FBXO46: variants seen among roughly 807,000 people sequenced by gnomAD.
The protein encoded by FBXO46 is F-box only protein 46.
A neutral mutation model predicts 30.7 loss-of-function variants in FBXO46; 13 were observed. The ratio of observed to expected loss-of-function variants is 0.42; its 90% CI spans 0.28 to 0.67. FBXO46 has a LOEUF of 0.67. FBXO46 is among the 30% of genes least tolerant of loss of function. FBXO46 has a pLI of 0.21. For missense variants in FBXO46, 754 were observed against 871.5 expected (o/e 0.87, Z 1.70); for synonymous variants, 467 against 385.8 (o/e 1.21, Z -2.47).
In FBXO46 at chr19:45,711,969, C is replaced by T. The variant is rs1212583242; in HGVS notation, c.1527G>A (p.Ala509=). The part of the protein sequence containing the change: ...TCHHFKGIIE[A]FGVRATDSRW... Reference sequence around the variant, plus strand: ...GCGAGTCTGTGGCCCGCACGCCAAACGCCTCGATGATGCCCTTGAAGTGGT... The same window carrying T: ...GCGAGTCTGTGGCCCGCACGCCAAATGCCTCGATGATGCCCTTGAAGTGGT... The change falls in exon 2 of 2, where the codon GCG becomes GCA. Residue 509 remains alanine (A), a synonymous_variant. Coordinates refer to ENST00000317683, the MANE Select transcript of FBXO46 (RefSeq NM_001080469.2). 19 of 1,612,830 alleles carry T rather than the reference C, an allele frequency of 1.2e-5. No individual in the cohort carries two copies. Among genetic ancestry groups the T allele is most frequent in the Non-Finnish European group, 1.6e-5 (19 of 1,179,764 alleles).
intron 1 of FBXO46, among the ~76,000 whole-genome samples, chr19:45,727,556 CAAA>C (rs146129707): frequency 4.9e-5 from 5 of 102,226 alleles, no homozygotes; most frequent in Admixed American, 1.0e-4. Context: ...GACTCTGTCT[CAAA>C]AAAAAAAAAA....
chr19:45,726,418 C>T (rs1362409427), intron 1 of FBXO46, among the ~76,000 whole-genome samples: 3 of 151,952 alleles, frequency 2.0e-5, no homozygotes, highest in South Asian at 4.2e-4. Flanking sequence ...AAGGTTGAGG[C>T]GGGTGGATCA....
intron 1 of FBXO46, chr19:45,714,978 G>A (rs1046279030): frequency 1.3e-5 from 2 of 152,224 alleles, no homozygotes; most frequent in African/African-American, 4.8e-5. Flanking sequence ...CAGATAAACA[G>A]AGGCTCAGAG....
intron 1 of FBXO46, among the ~76,000 whole-genome samples, chr19:45,726,356 C>CAA: frequency 6.6e-6 from 1 of 151,268 alleles, no homozygotes; most frequent in East Asian, 1.9e-4. Flanking sequence ...ACAACAACAA[C>CAA]AAAAAAAATG....
chr19:45,724,031 G>C (rs1476340790), intron 1 of FBXO46, among the ~76,000 whole-genome samples: 1 of 152,096 alleles, frequency 6.6e-6, no homozygotes, highest in Non-Finnish European at 1.5e-5. Context: ...CACAGGTTTT[G>C]AAATAAAGAT....
chr19:45,711,942 G>A lies in FBXO46; in HGVS notation c.1554C>T (p.Arg518=). 6.2e-7 allele frequency: 1 copy of A among 1,613,262 alleles called. No individual in the cohort carries two copies. The highest frequency in any genetic ancestry group is 8.5e-7 in the Non-Finnish European group (1 of 1,179,792). Residue 518 remains arginine, a synonymous_variant, in exon 2 of 2, where the codon CGC becomes CGT. Coordinates refer to ENST00000317683, the MANE Select transcript of FBXO46 (RefSeq NM_001080469.2). ...CGCGGTAGAGCGGGTCTCGGCTCCA[G>A]CGCGAGTCTGTGGCCCGCACGCCAA... The part of the protein sequence containing the change: ...EAFGVRATDS[R]WSRDPLYRDD...
At position 45,711,639 on chromosome 19, in the gene FBXO46, G is replaced by A. The variant is rs761043222; in HGVS notation, c.*45C>T. 152 of 1,428,770 alleles carry A rather than the reference G, an allele frequency of 1.1e-4. No homozygotes were observed. Among genetic ancestry groups the A allele is most frequent in the Middle Eastern group, 5.2e-4 (3 of 5,752 alleles). The allele number at this position is 1,428,770 out of a possible 1,614,324, so 88.5% of individuals were successfully genotyped here. ...CGGACCCTCGGCTCCCGGGGGGAGA[G>A]GGGAGGGGTGGGCGTGGTGGGCTCT... On this transcript the variant is annotated 3_prime_UTR_variant, in exon 2 of 2. Transcript: ENST00000317683.
At position 45,713,499 on chromosome 19, in the gene FBXO46, G is replaced by C. The variant is rs965176155; in HGVS notation, c.-4C>G. ...GCAGGAGGCTCCCACGGTCCATGCT[G>C]GGGGATGATGGCAGACAGGCTGGGC... On this transcript the variant is annotated 5_prime_UTR_variant, in exon 2 of 2. Transcript: ENST00000317683. The surrounding 1 kb of genome is among the most constrained non-coding windows in gnomAD (Gnocchi z 4.7). 2 of 1,543,624 alleles carry C rather than the reference G, an allele frequency of 1.3e-6. No individual in the cohort carries two copies. The highest frequency in any genetic ancestry group is 1.8e-6 in the Non-Finnish European group (2 of 1,141,428).
chr19:45,728,018 C>T (rs1968262157), intron 1 of FBXO46, among the ~76,000 whole-genome samples: 1 of 152,156 alleles, frequency 6.6e-6, no homozygotes, highest in East Asian at 1.9e-4. Context: ...CTCACTGCAA[C>T]CTCCACCTCC....
chr19:45,722,421 A>C (rs1287414689), intron 1 of FBXO46, among the ~76,000 whole-genome samples: 1 of 151,692 alleles, frequency 6.6e-6, no homozygotes, highest in Non-Finnish European at 1.5e-5. Context: ...GACAGCATCC[A>C]CCCATGGGCT....
rs1331954250 is a variant in FBXO46 at position 45,711,478 on chromosome 19, G to A, written c.*206C>T. On this transcript the variant is annotated 3_prime_UTR_variant, in exon 2 of 2. Transcript: ENST00000317683. ...AAAACACCCTTCTCAGAGGGTCCAC[G>A]GCCCTGGTTCTGAAGAGTAGAAAAT... 4.0e-5 allele frequency: 28 copies of A among 698,732 alleles called. 1 individual carries two copies. Among genetic ancestry groups the A allele is most frequent in the South Asian group, 3.4e-4 (23 of 66,720 alleles). 43.3% of individuals were successfully genotyped at this position (698,732 alleles called of 1,614,324 possible). A position where few individuals can be genotyped will look rare whatever the true frequency, so the allele number is the denominator to read the frequency against.
At chr19:45,717,790 G>A (rs1968118693) in intron 1 of FBXO46, among the ~76,000 whole-genome samples, 1 of 129,088 alleles carries the variant, frequency 7.7e-6, no homozygotes, top group Non-Finnish European at 1.6e-5. Context: ...GGGGCGGGGG[G>A]CGGGCTGAGG....
At chr19:45,720,831 G>T (rs76353548) in intron 1 of FBXO46, among the ~76,000 whole-genome samples, 4,678 of 151,970 alleles carry the variant, frequency 0.031, 211 homozygotes, top group African/African-American at 0.095. Context: ...ATCCTGGCTG[G>T]GCGCAGTGGC....
intron 1 of FBXO46, among the ~76,000 whole-genome samples, chr19:45,724,524 T>C (rs941511433): frequency 1.3e-5 from 2 of 152,106 alleles, no homozygotes; most frequent in Non-Finnish European, 2.9e-5. Context: ...TTAACACTTG[T>C]GGGCTGGGCT....
Position 45,713,006 on chromosome 19 carries a change from C to G in FBXO46, c.490G>C (p.Gly164Arg). 6.4e-7 allele frequency: 1 copy of G among 1,557,318 alleles called. No individual in the cohort carries two copies. Residue 164 changes from glycine (G) to arginine (R), a missense_variant, in exon 2 of 2, where the codon GGT becomes CGT. By Grantham distance (125) the Gly-to-Arg change is moderately radical. Coordinates refer to ENST00000317683, the MANE Select transcript of FBXO46 (RefSeq NM_001080469.2). The surrounding 1 kb of genome is among the most constrained non-coding windows in gnomAD (Gnocchi z 4.7). ...ACAGAGAGCAGGTCCACGTCCTCACCGGCTGAGGCGGGGCCCTCCTCAGCA... is the reference window on the plus strand; with the variant it reads ...ACAGAGAGCAGGTCCACGTCCTCACGGGCTGAGGCGGGGCCCTCCTCAGCA... ...PAAEEGPASAGEDVDLLSVAE... is the reference protein window; with the variant it reads ...PAAEEGPASAREDVDLLSVAE...
upstream of FBXO46, among the ~76,000 whole-genome samples, chr19:45,732,219 A>C (rs541340154): frequency 6.6e-6 from 1 of 152,112 alleles, no homozygotes; most frequent in Non-Finnish European, 1.5e-5. Flanking sequence ...GTGTTCAGTA[A>C]ATATTTATTG....
Position 45,713,070 on chromosome 19 carries a change from C to T in FBXO46, c.426G>A (p.Lys142=). ...KRRRRCLDPT[K]APPDPGGREG... ...CCCGGCCCCCTGGGTCAGGAGGAGC[C>T]TTGGTGGGGTCAAGACAGCGCCTCC... The change falls in exon 2 of 2, where the codon AAG becomes AAA. Residue 142 remains lysine, a synonymous_variant. Coordinates refer to ENST00000317683, the MANE Select transcript of FBXO46 (RefSeq NM_001080469.2). The surrounding 1 kb of genome is among the most constrained non-coding windows in gnomAD (Gnocchi z 4.7). 6.3e-7 allele frequency: 1 copy of T among 1,583,916 alleles called. No individual in the cohort carries two copies. The highest frequency in any genetic ancestry group is 8.6e-7 in the Non-Finnish European group (1 of 1,166,738).
Position 45,712,868 on chromosome 19 carries a change from C to T in FBXO46, c.628G>A (p.Ala210Thr). The T allele has an allele frequency of 2.5e-6, 4 of 1,613,498 alleles. No individual in the cohort carries two copies. Among genetic ancestry groups the T allele is most frequent in the Non-Finnish European group, 3.4e-6 (4 of 1,179,732 alleles). ...VFVSAEQGGP[A>T]KGVGSERRSG... ...CGCCGTTCAGATCCCACCCCCTTGG[C>T]CGGTCCACCTTGCTCGGCGGACACA... The change falls in exon 2 of 2, where the codon GCC (alanine) becomes ACC (threonine). Residue 210 changes from alanine (A) to threonine (T), a missense_variant. Transcript: ENST00000317683. The surrounding 1 kb of genome is among the most constrained non-coding windows in gnomAD (Gnocchi z 8.8).
rs2146144106 is a variant in FBXO46 at position 45,712,756 on chromosome 19, C to T, written c.740G>A (p.Arg247His). ...QRDSPPTKGL[R>H]KEERPGPGPG... ...GCCTGGCCCGGGCCGCTCTTCCTTG[C>T]GGAGGCCCTTGGTGGGAGGGCTGTC... Residue 247 changes from arginine to histidine, a missense_variant, in exon 2 of 2, where the codon CGC becomes CAC. Arg to His is a conservative substitution (Grantham distance 29, BLOSUM62 0). Around this residue, in one of 5 missense-constraint regions of FBXO46, gnomAD observed 454 missense variants for 426.5 expected, o/e 1.06. Coordinates refer to ENST00000317683, the MANE Select transcript of FBXO46 (RefSeq NM_001080469.2). The surrounding 1 kb of genome is among the most constrained non-coding windows in gnomAD (Gnocchi z 8.8). The T allele has an allele frequency of 1.4e-5, 23 of 1,611,236 alleles. No individual in the cohort carries two copies. The highest frequency in any genetic ancestry group is 2.0e-5 in the Non-Finnish European group (23 of 1,178,630).
Sources: gnomAD v4.1 joint callset for allele counts (sites outside exome capture counted in the v4.1 genomes callset) on GRCh38, gnomAD v4.1.1 for gene constraint, gnomAD v4.1.1 regional missense constraint, Gnocchi (gnomAD v3.1) non-coding constraint, MANE v1.5 for transcripts, NCBI Gene and HGNC (gene_info 2026-07-23, HGNC 2026-07-21) for gene names.